PCDHGA8: variants seen among roughly 807,000 people sequenced by gnomAD.
PCDHGA8 encodes protocadherin gamma subfamily A, 8, also known as protocadherin gamma-A8.
PCDHGA8 carries 45 observed loss-of-function variants against 59.2 expected under a neutral mutation model. That is an observed-to-expected ratio of 0.76 (90% CI 0.60 to 0.98). The LOEUF (loss-of-function observed/expected upper bound fraction) is 0.98, where lower values mean the gene tolerates loss of function less well. Ranked by LOEUF, PCDHGA8 falls within the 50% of genes least tolerant of loss-of-function variation. The pLI is 0.00. For synonymous variants in PCDHGA8, 531 were observed against 519.0 expected (o/e 1.02, Z -0.32); for missense variants, 1,257 against 1,196.2 (o/e 1.05, Z -0.75).
chr5:141,409,338 A>C, intron 1 of PCDHGA8: 5 of 1,614,002 alleles, frequency 3.1e-6, no homozygotes, highest in Non-Finnish European at 4.2e-6. Flanking sequence ...TTCGGAGGAA[A>C]TGGAGAAGTC....
At chr5:141,415,772 T>TTTTTTTTG in intron 1 of PCDHGA8, 1 of 1,332,986 alleles carries the variant, frequency 7.5e-7, no homozygotes. Context: ...TTTTTTTTTT[T>TTTTTTTTG]ACTTTCTGGT....
rs369791160 is a variant in PCDHGA8 at position 141,431,269 on chromosome 5, C to G, written c.2424+36032C>G. On this transcript the variant is annotated intron_variant, in intron 1 of 3. Transcript: ENST00000398604. This position sits in a 1 kb window ranked among gnomAD's most constrained non-coding sequence, Gnocchi z 4.8. ...TCGGGAAGAACTCTCTGCAGAGCTA[C>G]GAGCTCAGCCCGAACACTCACTTCT... 1.4e-5 allele frequency: 22 copies of G among 1,614,034 alleles called. No individual in the cohort carries two copies. The highest frequency in any genetic ancestry group is 2.7e-5 in the African/African-American group (2 of 74,954).
At chr5:141,428,448 T>C in intron 1 of PCDHGA8, 12 of 375,612 alleles carry the variant, frequency 3.2e-5, no homozygotes, top group South Asian at 2.4e-4. Flanking sequence ...CAGGGGTTTT[T>C]CCCAACTACA....
At chr5:141,428,041 TG>T (rs1260865435) in intron 1 of PCDHGA8, 1 of 1,608,448 alleles carries the variant, frequency 6.2e-7, no homozygotes, top group African/African-American at 1.3e-5. Flanking sequence ...GGCTACCTGG[TG>T]ACCAAGGTGG....
Position 141,395,037 on chromosome 5 carries a change from G to A in PCDHGA8, c.2224G>A (p.Gly742Ser). The change falls in exon 1 of 4, where the codon GGT becomes AGT. Residue 742 changes from glycine (G) to serine (S), a missense_variant. By Grantham distance (56) the Gly-to-Ser change is moderately conservative (BLOSUM62 0). Transcript: ENST00000398604. ...LVGVPASHFV[G>S]VEEVQAFLQT... ...AGGCGTGCCTGCCTCACATTTTGTG[G>A]GTGTTGAGGAGGTACAGGCTTTCCT... 1.9e-6 allele frequency: 3 copies of A among 1,614,134 alleles called. No homozygotes were observed. The highest frequency in any genetic ancestry group is 2.5e-6 in the Non-Finnish European group (3 of 1,180,026).
intron 1 of PCDHGA8, chr5:141,422,694 T>C: frequency 6.2e-7 from 1 of 1,603,912 alleles, no homozygotes; most frequent in Non-Finnish European, 8.5e-7. Context: ...CCCTGGTCAC[T>C]TACTCTCTGA....
At position 141,491,796 on chromosome 5, in the gene PCDHGA8, C is replaced by T. The variant is rs1487915203; in HGVS notation, c.2425-3011C>T. The stretch of plus-strand genomic sequence containing the variant: ...GATTGAACTTGCATCCACTCCTCTC[C>T]GGCCGGCTTGGTCGCTGGCTGCGCT... On this transcript the variant is annotated intron_variant, in intron 1 of 3. Transcript: ENST00000398604. The surrounding 1 kb of genome is among the most constrained non-coding windows in gnomAD (Gnocchi z 6.9). 6.6e-7 allele frequency: 1 copy of T among 1,509,866 alleles called. No homozygotes were observed. The highest frequency in any genetic ancestry group is 2.4e-5 in the Admixed American group (1 of 42,218). The allele number at this position is 1,509,866 out of a possible 1,614,324, so 93.5% of individuals were successfully genotyped here. A position where few individuals can be genotyped will look rare whatever the true frequency, so the allele number is the denominator to read the frequency against.
chr5:141,478,323 G>A, intron 1 of PCDHGA8: 2 of 1,613,958 alleles, frequency 1.2e-6, no homozygotes, highest in Non-Finnish European at 8.5e-7. Flanking sequence ...TCACTGTACC[G>A]AACACCAGGG....
At chr5:141,453,430 C>A (rs1043851647) in intron 1 of PCDHGA8, among the ~76,000 whole-genome samples, 1 of 152,018 alleles carries the variant, frequency 6.6e-6, no homozygotes, top group Non-Finnish European at 1.5e-5. Flanking sequence ...CCACACCTAG[C>A]CTAGTATTCT....
intron 1 of PCDHGA8, among the ~76,000 whole-genome samples, chr5:141,470,528 G>A (rs1446688992): frequency 6.6e-6 from 1 of 152,140 alleles, no homozygotes; most frequent in East Asian, 1.9e-4. Context: ...ATTAAAATAT[G>A]TATCAGGTAA....
rs1311776295 is a variant in PCDHGA8, at chr5:141,487,582, C to G, written c.2425-7225C>G. 1.2e-6 allele frequency: 2 copies of G among 1,614,088 alleles called. No homozygotes were observed. The highest frequency in any genetic ancestry group is 2.7e-5 in the African/African-American group (2 of 74,934). ...TGGCAGGGGAGCCTGTTCGCCCAAG[C>G]TGCCCACCCTCTGATCTTCTCTATG... is the stretch of plus-strand genomic sequence containing the variant. On this transcript the variant is annotated intron_variant, in intron 1 of 3. Transcript: ENST00000398604. The surrounding 1 kb of genome is among the most constrained non-coding windows in gnomAD (Gnocchi z 5.0).
chr5:141,438,037 G>A (rs2097925203), intron 1 of PCDHGA8, among the ~76,000 whole-genome samples: 1 of 151,910 alleles, frequency 6.6e-6, no homozygotes, highest in African/African-American at 2.4e-5. Flanking sequence ...CACCATGCCC[G>A]ACCACTTTGA....
chr5:141,452,360 C>A (rs1045666881), intron 1 of PCDHGA8, among the ~76,000 whole-genome samples: 3 of 152,172 alleles, frequency 2.0e-5, no homozygotes, highest in Non-Finnish European at 4.4e-5. Flanking sequence ...AAAAGCCTTG[C>A]TTCATTTTAG....
chr5:141,394,532 T>G lies in PCDHGA8; in HGVS notation c.1719T>G (p.Thr573=), dbSNP rs1259695027. 7 of 1,614,188 alleles carry G rather than the reference T, an allele frequency of 4.3e-6. No individual in the cohort carries two copies. The highest frequency in any genetic ancestry group is 4.5e-5 in the East Asian group (2 of 44,880). ...CCGCCCTCCCCACAGACGGTTCCAC[T>G]GGCGTGGAGCTGGCGCCCCGCTCCG... ...LYPALPTDGS[T]GVELAPRSAE... The change falls in exon 1 of 4, where the codon ACT becomes ACG. Residue 573 remains threonine, a synonymous_variant. Transcript: ENST00000398604.
At chr5:141,510,658 A>G (rs1162885805) in intron 3 of PCDHGA8, among the ~76,000 whole-genome samples, 1 of 152,178 alleles carries the variant, frequency 6.6e-6, no homozygotes, top group African/African-American at 2.4e-5. Context: ...CATTTTGCAG[A>G]TGAGAAAACT....
intron 2 of PCDHGA8, among the ~76,000 whole-genome samples, chr5:141,503,077 T>C (rs902429288): frequency 6.6e-6 from 1 of 151,810 alleles, no homozygotes; most frequent in African/African-American, 2.4e-5. Flanking sequence ...ATGGTCTCGA[T>C]CTCCTGACCT....
chr5:141,432,209 A>C lies in PCDHGA8; in HGVS notation c.2424+36972A>C, dbSNP rs1473794319. ...CGCCCACGACCCCGACTGTGAAGAGAACGCCCAGATCACTTATTCCCTGGC... is the reference window on the plus strand; with the variant it reads ...CGCCCACGACCCCGACTGTGAAGAGCACGCCCAGATCACTTATTCCCTGGC... On this transcript the variant is annotated intron_variant, in intron 1 of 3. Transcript: ENST00000398604. This position sits in a 1 kb window ranked among gnomAD's most constrained non-coding sequence, Gnocchi z 6.0. 2 of 1,614,098 alleles carry C rather than the reference A, an allele frequency of 1.2e-6. No homozygotes were observed. Among genetic ancestry groups the C allele is most frequent in the Non-Finnish European group, 8.5e-7 (1 of 1,180,032 alleles).
chr5:141,432,227 T>C lies in PCDHGA8; in HGVS notation c.2424+36990T>C, dbSNP rs1046414550. On this transcript the variant is annotated intron_variant, in intron 1 of 3. Coordinates refer to ENST00000398604, the MANE Select transcript of PCDHGA8 (RefSeq NM_032088.2). This position sits in a 1 kb window ranked among gnomAD's most constrained non-coding sequence, Gnocchi z 6.0. ...TGAAGAGAACGCCCAGATCACTTATTCCCTGGCTGAGAACACCATCCAAGG... is the reference window on the plus strand; with the variant it reads ...TGAAGAGAACGCCCAGATCACTTATCCCCTGGCTGAGAACACCATCCAAGG... 1.4e-5 allele frequency: 22 copies of C among 1,614,080 alleles called. No individual in the cohort carries two copies. The highest frequency in any genetic ancestry group is 1.8e-5 in the Non-Finnish European group (21 of 1,180,042).
intron 1 of PCDHGA8, among the ~76,000 whole-genome samples, chr5:141,481,556 G>T (rs553126587): frequency 6.6e-6 from 1 of 152,148 alleles, no homozygotes; most frequent in African/African-American, 2.4e-5. Flanking sequence ...AGTGGCTCAC[G>T]CCTGTAATCC....
Sources: allele counts gnomAD v4.1 joint callset (sites outside exome capture counted in the v4.1 genomes callset), GRCh38; gene constraint gnomAD v4.1.1; non-coding constraint Gnocchi (gnomAD v3.1); transcripts MANE v1.5; gene names NCBI Gene and HGNC (gene_info 2026-07-23, HGNC 2026-07-21).